Variants in FRMPD4 observed in about 807,000 individuals in gnomAD.
FRMPD4 encodes the protein FERM and PDZ domain containing 4, also known as FERM and PDZ domain-containing protein 4.
Under a neutral mutation model 94.1 loss-of-function variants are expected in FRMPD4, and 22 were observed. That is an observed-to-expected ratio of 0.23 (90% CI 0.17 to 0.33). The LOEUF (loss-of-function observed/expected upper bound fraction) is 0.33, where lower values mean the gene tolerates loss of function less well. Ranked by LOEUF, FRMPD4 falls within the 10% of genes least tolerant of loss-of-function variation. The pLI, the probability that FRMPD4 is intolerant of heterozygous loss-of-function variation, is 1.00. For missense variants in FRMPD4, 1,111 were observed against 1,339.9 expected, an observed-to-expected ratio of 0.83 and a Z score of 2.67; for synonymous variants, 631 against 548.6, an observed-to-expected ratio of 1.15 and a Z score of -2.10.
At chrX:12,151,872 G>GTCTT (rs753530588) in intron 1 of FRMPD4, among the ~76,000 whole-genome samples, 190 of 111,984 alleles carry the variant, frequency 1.7e-3, no homozygotes, top group African/African-American at 5.8e-3. Context: ...TTACAGCTAA[G>GTCTT]TCTTTGGATT....
At chrX:12,266,696 A>G (rs1202238517) in intron 1 of FRMPD4, among the ~76,000 whole-genome samples, 1 of 111,501 alleles carries the variant, frequency 9.0e-6, no homozygotes, top group Admixed American at 9.5e-5. Context: ...TATTTAATTT[A>G]TGTATTAAAA....
At chrX:11,855,523 C>A (rs866450886) in intron 1 of FRMPD4, among the ~76,000 whole-genome samples, 7 of 112,275 alleles carry the variant, frequency 6.2e-5, no homozygotes, top group African/African-American at 2.3e-4. Flanking sequence ...ATTTCTTCCA[C>A]CAGATACCCT....
chrX:12,477,202 A>T (rs1029039770), intron 1 of FRMPD4, among the ~76,000 whole-genome samples: 1 of 111,530 alleles, frequency 9.0e-6, no homozygotes, highest in Non-Finnish European at 1.9e-5. Context: ...AACTATGGCA[A>T]GGACAAAAAA....
chrX:12,398,816 GT>G (rs2056575582), intron 1 of FRMPD4, among the ~76,000 whole-genome samples: 1 of 111,692 alleles, frequency 9.0e-6, no homozygotes, highest in Non-Finnish European at 1.9e-5. Context: ...CTGCAGTTAC[GT>G]TTTAGGCTAT....
At chrX:12,323,657 A>AT (rs1363313203) in intron 1 of FRMPD4, among the ~76,000 whole-genome samples, 1 of 111,398 alleles carries the variant, frequency 9.0e-6, no homozygotes, top group Non-Finnish European at 1.9e-5. Flanking sequence ...TAGAGGAGCC[A>AT]TTTTTTAAAG....
chrX:11,925,120 C>T (rs2054078905), intron 3 of FRMPD4, among the ~76,000 whole-genome samples: 2 of 95,043 alleles, frequency 2.1e-5, no homozygotes, highest in African/African-American at 3.8e-5. Flanking sequence ...ACAAAACAGA[C>T]TTTAAACCAA....
intron 1 of FRMPD4, among the ~76,000 whole-genome samples, chrX:12,325,877 T>A (rs2055280037): frequency 8.9e-6 from 1 of 112,102 alleles, no homozygotes. Flanking sequence ...CCTAGGAAGA[T>A]GTGTGAAATG....
chrX:11,860,523 A>T (rs1204771611), intron 1 of FRMPD4, among the ~76,000 whole-genome samples: 1 of 112,107 alleles, frequency 8.9e-6, no homozygotes, highest in Non-Finnish European at 1.9e-5. Flanking sequence ...TTCTCTGAAA[A>T]GGAATTGGCA....
At chrX:12,072,757 G>A (rs897108107) in intron 3 of FRMPD4, among the ~76,000 whole-genome samples, 1 of 110,803 alleles carries the variant, frequency 9.0e-6, no homozygotes, top group Non-Finnish European at 1.9e-5. Flanking sequence ...ACATATATAT[G>A]CCCCGGTTAA....
chrX:12,296,916 C>T (rs1215666335), intron 1 of FRMPD4, among the ~76,000 whole-genome samples: 1 of 112,453 alleles, frequency 8.9e-6, no homozygotes, highest in Non-Finnish European at 1.9e-5. Flanking sequence ...ATGGAAGAAA[C>T]AGCTGCCCCT....
chrX:12,712,681 A>G (rs2042007610), intron 14 of FRMPD4, among the ~76,000 whole-genome samples: 1 of 112,287 alleles, frequency 8.9e-6, no homozygotes, highest in African/African-American at 3.2e-5. Flanking sequence ...AGAACAAAAA[A>G]GGAGGTGATA....
intron 1 of FRMPD4, among the ~76,000 whole-genome samples, chrX:12,215,284 C>T (rs1271245239): frequency 1.8e-5 from 2 of 111,197 alleles, no homozygotes; most frequent in Non-Finnish European, 3.8e-5. Context: ...GGCAGCCCCT[C>T]CTCCTCTCTC....
intron 3 of FRMPD4, among the ~76,000 whole-genome samples, chrX:11,899,581 T>C (rs2053922930): frequency 8.9e-6 from 1 of 111,776 alleles, no homozygotes; most frequent in Non-Finnish European, 1.9e-5. Context: ...AATAATATTT[T>C]CATTTTTATA....
intron 3 of FRMPD4, among the ~76,000 whole-genome samples, chrX:12,094,215 C>T (rs1480161472): frequency 9.0e-6 from 1 of 111,516 alleles, no homozygotes; most frequent in Non-Finnish European, 1.9e-5. Context: ...AATCAGCTGC[C>T]CTGTTATACT....
chrX:12,589,968 A>G (rs748695327), intron 2 of FRMPD4, among the ~76,000 whole-genome samples: 3 of 112,360 alleles, frequency 2.7e-5, no homozygotes, highest in African/African-American at 6.5e-5. Flanking sequence ...TCTACTTTGC[A>G]TAATTATCAT....
intron 1 of FRMPD4, among the ~76,000 whole-genome samples, chrX:11,835,803 C>T (rs367739521): frequency 8.9e-6 from 1 of 112,167 alleles, no homozygotes; most frequent in African/African-American, 3.2e-5. Context: ...TGCAGGAAAA[C>T]GTTAACAGAG....
chrX:12,040,346 G>A (rs189778406), intron 3 of FRMPD4, among the ~76,000 whole-genome samples: 9 of 99,684 alleles, frequency 9.0e-5, no homozygotes, highest in Non-Finnish European at 1.8e-4. Context: ...TTTTTCTAGT[G>A]GTAATATAGC....
chrX:11,911,867 G>A (rs1279869769), intron 3 of FRMPD4, among the ~76,000 whole-genome samples: 1 of 112,222 alleles, frequency 8.9e-6, no homozygotes, highest in Non-Finnish European at 1.9e-5. Flanking sequence ...GTGAGCCAAA[G>A]TGGTGCCACA....
intron 1 of FRMPD4, among the ~76,000 whole-genome samples, chrX:12,305,538 A>T (rs2054921562): frequency 1.1e-5 from 1 of 93,407 alleles, no homozygotes; most frequent in Admixed American, 1.3e-4. Context: ...AAATGATTTG[A>T]TGATTAAATT....
Sources: allele counts gnomAD v4.1 joint callset (sites outside exome capture counted in the v4.1 genomes callset), GRCh38; gene constraint gnomAD v4.1.1; transcripts MANE v1.5; gene names NCBI Gene and HGNC (gene_info 2026-07-23, HGNC 2026-07-21).